CLDN16: variants seen among roughly 807,000 people sequenced by gnomAD.
The protein encoded by CLDN16 is claudin 16.
CLDN16 carries 13 observed loss-of-function variants against 24.6 expected under a neutral mutation model. The observed-to-expected ratio is 0.53, with a 90% confidence interval of 0.34 to 0.84. CLDN16 has a LOEUF of 0.84. CLDN16 is among the 40% of genes least tolerant of loss of function. CLDN16 has a pLI of 0.01. For missense variants in CLDN16, 298 were observed against 292.7 expected (o/e 1.02, Z -0.13); for synonymous variants, 116 against 106.7 (o/e 1.09, Z -0.54).
chr3:190,349,236 C>T (rs1230803624), intron 1 of CLDN16, among the ~76,000 whole-genome samples: 1 of 152,040 alleles, frequency 6.6e-6, no homozygotes, highest in East Asian at 1.9e-4. Flanking sequence ...GATGAATTTC[C>T]CCTTGTTGTT....
chr3:190,353,718 A>C (rs1330439074), intron 1 of CLDN16, among the ~76,000 whole-genome samples: 1 of 152,094 alleles, frequency 6.6e-6, no homozygotes, highest in Non-Finnish European at 1.5e-5. Context: ...TTTCTGTATC[A>C]TCATTTTTAT....
intron 1 of CLDN16, among the ~76,000 whole-genome samples, chr3:190,366,228 T>TTTTC (rs1395163036): frequency 6.6e-6 from 1 of 151,938 alleles, no homozygotes; most frequent in Non-Finnish European, 1.5e-5. Context: ...TAGGCTTTCA[T>TTTTC]TTTCTTTCTT....
At chr3:190,381,688 C>G (rs376695982) in intron 3 of CLDN16, among the ~76,000 whole-genome samples, 1 of 152,018 alleles carries the variant, frequency 6.6e-6, no homozygotes, top group East Asian at 1.9e-4. Context: ...ATATTTGTCA[C>G]TCCAGAATGT....
intron 2 of CLDN16, among the ~76,000 whole-genome samples, chr3:190,372,197 C>T (rs1718156489): frequency 6.6e-6 from 1 of 151,864 alleles, no homozygotes; most frequent in Non-Finnish European, 1.5e-5. Flanking sequence ...CAACCCAAGA[C>T]TTGGAAAGCT....
At chr3:190,363,785 T>C (rs1254388425) in intron 1 of CLDN16, among the ~76,000 whole-genome samples, 1 of 151,320 alleles carries the variant, frequency 6.6e-6, no homozygotes, top group Non-Finnish European at 1.5e-5. Flanking sequence ...TAACATGTGA[T>C]CCGAAGATCA....
chr3:190,336,593 A>G (rs1717312192), intron 1 of CLDN16, among the ~76,000 whole-genome samples: 2 of 152,240 alleles, frequency 1.3e-5, no homozygotes. Flanking sequence ...GCCATATAGC[A>G]CAAGCTGTCC....
chr3:190,396,914 C>G (rs971932661), intron 1 of CLDN16, among the ~76,000 whole-genome samples: 2 of 152,072 alleles, frequency 1.3e-5, no homozygotes, highest in South Asian at 4.1e-4. Flanking sequence ...GAAGAGAAAA[C>G]TCAAATGCCT....
intron 1 of CLDN16, among the ~76,000 whole-genome samples, chr3:190,345,322 C>T (rs1417970064): frequency 1.3e-5 from 2 of 152,068 alleles, no homozygotes; most frequent in African/African-American, 2.4e-5. Context: ...TTCTCTTCTC[C>T]TCTTCATATC....
At chr3:190,377,452 G>A (rs1019943242) in intron 3 of CLDN16, among the ~76,000 whole-genome samples, 8 of 151,592 alleles carry the variant, frequency 5.3e-5, no homozygotes, top group South Asian at 2.1e-4. Context: ...TTGGGTCTCC[G>A]TTAGTTTCAT....
intron 1 of CLDN16, among the ~76,000 whole-genome samples, chr3:190,345,081 A>T (rs1717523439): frequency 6.6e-6 from 1 of 152,140 alleles, no homozygotes; most frequent in Non-Finnish European, 1.5e-5. Flanking sequence ...TTGACTAAAG[A>T]CACCCCTCTC....
chr3:190,308,711 G>T, the CLDN16 span, among the ~76,000 whole-genome samples: 1 of 152,100 alleles, frequency 6.6e-6, no homozygotes, highest in Non-Finnish European at 1.5e-5. Flanking sequence ...CCATATATAG[G>T]ATACTTGTAA....
At position 190,408,344 on chromosome 3, in the gene CLDN16, A is replaced by T. The variant is rs544158479; in HGVS notation, c.413A>T (p.Tyr138Phe). The T allele has an allele frequency of 3.1e-6, 5 of 1,614,088 alleles. No homozygotes were observed. The East Asian group carries it at 8.9e-5, about 29-fold the overall frequency. Residue 138 changes from tyrosine (Y) to phenylalanine (F), a missense_variant, in exon 4 of 5, where the codon TAT becomes TTT. By Grantham distance (22) the Tyr-to-Phe change is conservative (BLOSUM62 3). Transcript: ENST00000264734. Reference sequence around the variant, plus strand: ...CCAGGAATCATTGGCTCTGTGTGGTATGCTGTTGATGTGTATGTGGAACGT... The same window carrying T: ...CCAGGAATCATTGGCTCTGTGTGGTTTGCTGTTGATGTGTATGTGGAACGT... The part of the protein sequence containing the change: ...GTPGIIGSVW[Y>F]AVDVYVERST...
intron 2 of CLDN16, among the ~76,000 whole-genome samples, chr3:190,374,107 T>C (rs10460899): frequency 0.037 from 5,554 of 151,960 alleles, 147 homozygotes; most frequent in South Asian, 0.064. Flanking sequence ...TTTTATGTCA[T>C]ATAAACATAG....
rs374921854 is a variant in CLDN16, at chr3:190,408,546, A to C, written c.574+41A>C. On this transcript the variant is annotated intron_variant, in intron 4 of 4. Transcript: ENST00000264734. ...AATAGCAAATTTCCTTGCCTCCACT[A>C]TCGTTTTTCCCAATCCAGTGGAAAC... The C allele has an allele frequency of 3.8e-5, 60 of 1,569,142 alleles. No homozygotes were observed. The Admixed American group carries it at 1.0e-3, about 26-fold the overall frequency.
chr3:190,399,505 GC>G (rs1424614294), intron 1 of CLDN16, among the ~76,000 whole-genome samples: 1 of 97,398 alleles, frequency 1.0e-5, no homozygotes, highest in East Asian at 3.4e-4. Flanking sequence ...GCGAGACTCT[GC>G]CTCAAAAAAA....
intron 1 of CLDN16, among the ~76,000 whole-genome samples, chr3:190,333,280 A>G (rs891079693): frequency 3.9e-5 from 6 of 152,180 alleles, no homozygotes; most frequent in African/African-American, 1.4e-4. Flanking sequence ...CAACTTTCAG[A>G]TCAAGGTGTG....
At chr3:190,362,015 A>AACCTGGTCTG (rs1717898995) in intron 1 of CLDN16, among the ~76,000 whole-genome samples, 1 of 151,264 alleles carries the variant, frequency 6.6e-6, no homozygotes, top group Non-Finnish European at 1.5e-5. Context: ...TAACCAGTCT[A>AACCTGGTCTG]ACCTGGTCTA....
At chr3:190,307,517 G>A in the CLDN16 span, 1 of 152,156 alleles carries the variant, frequency 6.6e-6, no homozygotes. Flanking sequence ...TATCACTTTG[G>A]TCATGCAGAA....
chr3:190,349,084 G>A (rs772154646), intron 1 of CLDN16, among the ~76,000 whole-genome samples: 30 of 152,300 alleles, frequency 2.0e-4, no homozygotes, highest in Admixed American at 5.2e-4. Context: ...CATTAAGGTT[G>A]ATGAATCGAT....
Sources: gnomAD v4.1 joint callset for allele counts (sites outside exome capture counted in the v4.1 genomes callset) on GRCh38, gnomAD v4.1.1 for gene constraint, MANE v1.5 for transcripts, NCBI Gene and HGNC (gene_info 2026-07-23, HGNC 2026-07-21) for gene names.